SEPTIN4: variants seen among roughly 807,000 people sequenced by gnomAD.
SEPTIN4 encodes septin-4.
SEPTIN4 carries 52 observed loss-of-function variants against 107.1 expected under a neutral mutation model. The observed-to-expected ratio is 0.49, with a 90% CI of 0.39 to 0.61. The LOEUF is 0.61. Ranked by LOEUF, SEPTIN4 falls within the 20% of genes least tolerant of loss-of-function variation. The pLI, the probability that SEPTIN4 is intolerant of heterozygous loss-of-function variation, is 0.00. For missense variants in SEPTIN4, 1,048 were observed against 1,243.5 expected, an observed-to-expected ratio of 0.84 and a Z score of 2.36; for synonymous variants, 417 against 467.0, an observed-to-expected ratio of 0.89 and a Z score of 1.38.
rs138328226 is a variant in SEPTIN4 at position 58,526,794 on chromosome 17, G to A, written c.1799C>T (p.Ser600Leu). 737 of 1,613,748 alleles carry A rather than the reference G, an allele frequency of 4.6e-4. 1 individual carries two copies. The highest frequency in any genetic ancestry group is 2.1e-3 in the Admixed American group (123 of 59,988). Reference sequence around the variant, plus strand: ...CTGGTTGTCAGAGGACTGGGGCCGCGAGGGGGGTCTGAACTCCAGGTCATC... The same window carrying A: ...CTGGTTGTCAGAGGACTGGGGCCGCAAGGGGGGTCTGAACTCCAGGTCATC... ...YDDDLEFRPPSRPQSSDNQQY... is the reference protein window; with the variant it reads ...YDDDLEFRPPLRPQSSDNQQY... Residue 600 changes from serine to leucine, a missense_variant, in exon 4 of 14, where the codon TCG becomes TTG. Ser to Leu is a moderately radical substitution (Grantham distance 145, BLOSUM62 -2). Coordinates refer to ENST00000672673, the MANE Select transcript of SEPTIN4 (RefSeq NM_001368771.2).
At chr17:58,541,521 C>A in intron 2 of SEPTIN4, 1 of 287,814 alleles carries the variant, frequency 3.5e-6, no homozygotes, top group Non-Finnish European at 6.4e-6. Flanking sequence ...TTCTGAGGAA[C>A]CAGAGAAACA....
intron 3 of SEPTIN4, chr17:58,531,785 G>T: frequency 2.0e-6 from 1 of 506,788 alleles, no homozygotes; most frequent in Non-Finnish European, 2.6e-6. Context: ...CTTGGGAGCA[G>T]CGACGCACCG....
intron 3 of SEPTIN4, chr17:58,530,999 C>G (rs898113411): frequency 1.3e-5 from 2 of 152,438 alleles, no homozygotes; most frequent in Admixed American, 6.5e-5. Context: ...GTGATCCCCC[C>G]CTGCTGTAAA....
At chr17:58,540,483 G>A (rs1396189755) in intron 3 of SEPTIN4, among the ~76,000 whole-genome samples, 183 bp downstream of exon 3, 1 of 152,208 alleles carries the variant, frequency 6.6e-6, no homozygotes, top group Non-Finnish European at 1.5e-5. Flanking sequence ...TGGAACACAG[G>A]TTATATTTCA....
At chr17:58,531,942 G>A (rs2043508389) in intron 3 of SEPTIN4, 2 of 1,144,392 alleles carry the variant, frequency 1.7e-6, no homozygotes, top group African/African-American at 1.6e-5. Context: ...GCGCCCGCCC[G>A]CCTGCCTGCC....
At position 58,530,439 on chromosome 17, in the gene SEPTIN4, TC is replaced by T. The variant is rs1330701622; in HGVS notation, c.1615-3462del. ...TCCCAAAGCAGCTAGGACACTGACCTCCTTTGACAAAGAGACCCTCATAGAG... is the reference window on the plus strand; with the variant it reads ...TCCCAAAGCAGCTAGGACACTGACCTCTTTGACAAAGAGACCCTCATAGAG... On this transcript the variant is annotated intron_variant, in intron 3 of 13. Coordinates refer to ENST00000672673, the MANE Select transcript of SEPTIN4 (RefSeq NM_001368771.2). 2.0e-5 allele frequency: 3 copies of T among 152,332 alleles called. No individual in the cohort carries two copies. In the East Asian group the frequency reaches 5.8e-4, roughly 29 times the overall value. 9.4% of individuals were successfully genotyped at this position (152,332 alleles called of 1,614,324 possible).
intron 3 of SEPTIN4, among the ~76,000 whole-genome samples, chr17:58,534,533 A>G (rs890114371): frequency 3.3e-5 from 5 of 152,200 alleles, no homozygotes; most frequent in African/African-American, 1.2e-4. Context: ...GCTCTTCCTC[A>G]TCTCCAGCCA....
chr17:58,539,436 A>T (rs2043818818), intron 3 of SEPTIN4, among the ~76,000 whole-genome samples: 1 of 152,170 alleles, frequency 6.6e-6, no homozygotes, highest in South Asian at 2.1e-4. Context: ...AGGCTAGCTA[A>T]GACACCACCA....
chr17:58,542,931 G>T lies in SEPTIN4; in HGVS notation c.1256C>A (p.Pro419His), dbSNP rs1181204880. 1 of 1,614,240 alleles carries T rather than the reference G, an allele frequency of 6.2e-7. No homozygotes were observed. Among genetic ancestry groups the T allele is most frequent in the South Asian group, 1.1e-5 (1 of 91,090 alleles). ...TPRPLPPRSL[P>H]RYGPDSSWWP... ...CCATGAGGAGTCAGGTCCGTACCTA[G>T]GTAAGGACCGAGGAGGCAAGGGCCT... The change falls in exon 1 of 14, where the codon CCT (proline) becomes CAT (histidine). Residue 419 changes from proline (P) to histidine (H), a missense_variant. Pro to His is a moderately conservative substitution (Grantham distance 77). Around this residue, in one of 2 missense-constraint regions of SEPTIN4, gnomAD observed 787 missense variants for 871.8 expected, o/e 0.90. Transcript: ENST00000672673.
At position 58,526,981 on chromosome 17, in the gene SEPTIN4, G is replaced by C; in HGVS notation, c.1615-3C>G. 1.2e-6 allele frequency: 2 copies of C among 1,614,014 alleles called. No individual in the cohort carries two copies. Among genetic ancestry groups the C allele is most frequent in the Non-Finnish European group, 1.7e-6 (2 of 1,180,014 alleles). ...GTGTCCTCCAGGAAACGCTTGATCTGGGGGAAGCGGGGTGGGTAGAATAGA... is the reference window on the plus strand; with the variant it reads ...GTGTCCTCCAGGAAACGCTTGATCTCGGGGAAGCGGGGTGGGTAGAATAGA... On this transcript the variant is annotated splice_region_variant and splice_polypyrimidine_tract_variant and intron_variant, in intron 3 of 13. Transcript: ENST00000672673.
chr17:58,524,852 T>C (rs1567957233), intron 7 of SEPTIN4: 2 of 547,056 alleles, frequency 3.7e-6, no homozygotes, highest in Non-Finnish European at 6.4e-6. Context: ...TACCCCATTA[T>C]AGAATCATAG....
At position 58,526,942 on chromosome 17, in the gene SEPTIN4, C is replaced by T. The variant is rs2042970076; in HGVS notation, c.1651G>A (p.Glu551Lys). Residue 551 changes from glutamate (E) to lysine (K), a missense_variant, in exon 4 of 14, where the codon GAA becomes AAA. By Grantham distance (56) the Glu-to-Lys change is moderately conservative. Coordinates refer to ENST00000672673, the MANE Select transcript of SEPTIN4 (RefSeq NM_001368771.2). ...AAATCCTTCACGAACTTGCTCAGTT[C>T]TCCATCATCCGTGGTGTCCTCCAGG... ...RFLEDTTDDG[E>K]LSKFVKDFSG... 2 of 1,614,112 alleles carry T rather than the reference C, an allele frequency of 1.2e-6. No homozygotes were observed. Among genetic ancestry groups the T allele is most frequent in the Non-Finnish European group, 1.7e-6 (2 of 1,180,026 alleles).
chr17:58,531,412 G>A (rs897988685), intron 3 of SEPTIN4: 5 of 152,368 alleles, frequency 3.3e-5, no homozygotes, highest in African/African-American at 1.2e-4. Context: ...CCTCTCTGGG[G>A]TCCCTTTGGG....
In SEPTIN4 at chr17:58,520,738, C is replaced by A; in HGVS notation, c.2931+5G>T. The stretch of plus-strand genomic sequence containing the variant: ...GACCTCCCCTATACCCCATACTGCT[C>A]TCACCTCCTCATCTTTCTCTCGGAT... On this transcript the variant is annotated splice_donor_5th_base_variant and intron_variant, in intron 13 of 13. Transcript: ENST00000672673. 1 of 1,614,106 alleles carries A rather than the reference C, an allele frequency of 6.2e-7. No homozygotes were observed. Among genetic ancestry groups the A allele is most frequent in the South Asian group, 1.1e-5 (1 of 90,996 alleles).
At chr17:58,541,212 C>T (rs2043867635) in intron 2 of SEPTIN4, among the ~76,000 whole-genome samples, 1 of 152,142 alleles carries the variant, frequency 6.6e-6, no homozygotes, top group African/African-American at 2.4e-5. Context: ...TATCCATAGC[C>T]CTGGCCTCTG....
At chr17:58,531,851 T>A (rs2043493924) in intron 3 of SEPTIN4, 3 of 1,027,782 alleles carry the variant, frequency 2.9e-6, no homozygotes, top group Non-Finnish European at 1.2e-6. Flanking sequence ...CCTCCCACCC[T>A]GCACAGCCGC....
In SEPTIN4 at chr17:58,544,064, A is replaced by G; in HGVS notation, c.123T>C (p.Ser41=). Residue 41 remains serine, a synonymous_variant, in exon 1 of 14, where the codon AGT becomes AGC. Coordinates refer to ENST00000672673, the MANE Select transcript of SEPTIN4 (RefSeq NM_001368771.2). The stretch of plus-strand genomic sequence containing the variant: ...GGGAAGGGTTCAGGGAGACTGCAGC[A>G]CTTCGATGGCTTGAGGCAAGAACGT... ...HGYVLASSHR[S]AAVSLNPSHR... 1 of 1,614,078 alleles carries G rather than the reference A, an allele frequency of 6.2e-7. No individual in the cohort carries two copies. Among genetic ancestry groups the G allele is most frequent in the South Asian group, 1.1e-5 (1 of 91,076 alleles).
chr17:58,543,768 C>G lies in SEPTIN4; in HGVS notation c.419G>C (p.Gly140Ala). The G allele has an allele frequency of 6.2e-7, 1 of 1,614,172 alleles. No individual in the cohort carries two copies. The highest frequency in any genetic ancestry group is 2.2e-5 in the East Asian group (1 of 44,890). ...TGAAGCATGATGGCCGACCTCGCGC[C>G]CTGACTTGCTCTCACTGCCTCTTCG... Reference protein sequence around the residue: ...AARRGSESKSGREVGHHASSI... With the variant: ...AARRGSESKSAREVGHHASSI... The change falls in exon 1 of 14, where the codon GGG (glycine) becomes GCG (alanine). Residue 140 changes from glycine (G) to alanine (A), a missense_variant. Gly to Ala is a moderately conservative substitution (Grantham distance 60). Around this residue, in one of 2 missense-constraint regions of SEPTIN4, gnomAD observed 787 missense variants for 871.8 expected, o/e 0.90. Transcript: ENST00000672673.
intron 3 of SEPTIN4, among the ~76,000 whole-genome samples, chr17:58,528,731 C>T (rs2043185370): frequency 6.6e-6 from 1 of 152,208 alleles, no homozygotes; most frequent in Non-Finnish European, 1.5e-5. Context: ...CACAATGACC[C>T]AGCCGTTGGT....
Sources: gnomAD v4.1 joint callset for allele counts (sites outside exome capture counted in the v4.1 genomes callset) on GRCh38, gnomAD v4.1.1 for gene constraint, gnomAD v4.1.1 regional missense constraint, MANE v1.5 for transcripts, NCBI Gene and HGNC (gene_info 2026-07-23, HGNC 2026-07-21) for gene names.